Variants in PSD3 observed in about 807,000 individuals in gnomAD.
PSD3 encodes the protein PH and SEC7 domain-containing protein 3.
In PSD3, 49 loss-of-function variants were observed where a neutral mutation model predicts 105.5. The observed-to-expected ratio is 0.46, with a 90% CI of 0.37 to 0.59. PSD3 has a LOEUF of 0.59. Ranked by LOEUF, PSD3 falls within the 20% of genes least tolerant of loss-of-function variation. The pLI is 0.00. For missense variants in PSD3, 1,561 were observed against 1,263.8 expected, an observed-to-expected ratio of 1.24 and a Z score of -3.57; for synonymous variants, 557 against 457.8, an observed-to-expected ratio of 1.22 and a Z score of -2.77.
chr8:18,754,047 C>T (rs1158371754), intron 9 of PSD3, among the ~76,000 whole-genome samples: 2 of 152,144 alleles, frequency 1.3e-5, no homozygotes, highest in African/African-American at 4.8e-5. Context: ...CTCCATTCTT[C>T]TAATTCATGG....
intron 4 of PSD3, among the ~76,000 whole-genome samples, chr8:18,811,153 A>T (rs1446126329): frequency 6.6e-6 from 1 of 152,232 alleles, no homozygotes; most frequent in Non-Finnish European, 1.5e-5. Context: ...ACTATGTGCC[A>T]GCCTCTGGGC....
intron 11 of PSD3, among the ~76,000 whole-genome samples, chr8:18,621,007 A>G (rs1018124361): frequency 2.0e-5 from 3 of 152,240 alleles, no homozygotes; most frequent in African/African-American, 7.2e-5. Context: ...TCACATGCAC[A>G]GTGAAAACTG....
In PSD3 at chr8:18,651,286, TTTATAACAG is replaced by T. The variant is rs147328675; in HGVS notation, c.2216+4347_2216+4355del. On this transcript the variant is annotated intron_variant, in intron 10 of 15. Coordinates refer to ENST00000327040, the MANE Select transcript of PSD3 (RefSeq NM_015310.4). ...ACCAATGATATAAAAACCTATAAGG[TTTATAACAG>T]TTATAACATTCTCCGGTTCTAACAC... Among the ~76,000 whole-genome samples the T allele has an allele frequency of 4.1e-3, 623 of 152,246 alleles. 3 individuals are homozygous for T. Among genetic ancestry groups the T allele is most frequent in the African/African-American group, 0.015 (607 of 41,532 alleles).
chr8:18,860,097 G>A (rs191649309), intron 4 of PSD3, among the ~76,000 whole-genome samples: 2 of 152,160 alleles, frequency 1.3e-5, no homozygotes, highest in African/African-American at 4.8e-5. Flanking sequence ...TAGAGGCATT[G>A]CAGGGTTATT....
At chr8:18,703,312 G>A (rs1038986870) in intron 9 of PSD3, among the ~76,000 whole-genome samples, 1 of 152,170 alleles carries the variant, frequency 6.6e-6, no homozygotes, top group Non-Finnish European at 1.5e-5. Flanking sequence ...TGCCACTGAT[G>A]AACCAATGTC....
At chr8:18,962,880 C>T (rs1293003392) in intron 1 of PSD3, among the ~76,000 whole-genome samples, 3 of 152,208 alleles carry the variant, frequency 2.0e-5, no homozygotes, top group South Asian at 4.1e-4. Context: ...TTAAAGGTCA[C>T]GTCAGGCCAT....
At chr8:18,584,978 T>A (rs1803070939) in intron 12 of PSD3, among the ~76,000 whole-genome samples, 1 of 152,182 alleles carries the variant, frequency 6.6e-6, no homozygotes, top group Non-Finnish European at 1.5e-5. Flanking sequence ...GACAAGTATG[T>A]AGAAGTCATG....
chr8:18,659,084 T>C (rs1321970772), intron 9 of PSD3, among the ~76,000 whole-genome samples: 6 of 152,164 alleles, frequency 3.9e-5, no homozygotes, highest in Non-Finnish European at 7.3e-5. Flanking sequence ...GTTCTATGAC[T>C]CGGCCCATCT....
At chr8:18,764,420 C>T (rs1309534968) in intron 9 of PSD3, among the ~76,000 whole-genome samples, 1 of 152,136 alleles carries the variant, frequency 6.6e-6, no homozygotes, top group Non-Finnish European at 1.5e-5. Context: ...TTCTTTACTC[C>T]ATAAATTAAA....
At chr8:18,551,615 G>A (rs55792997) in intron 15 of PSD3, among the ~76,000 whole-genome samples, 6 of 152,130 alleles carry the variant, frequency 3.9e-5, no homozygotes, top group Admixed American at 3.9e-4. Context: ...CATGTGGTTG[G>A]TGTGGGCTCT....
At chr8:19,017,369 T>A (rs2129475716), upstream of PSD3, among the ~76,000 whole-genome samples, 1 of 152,260 alleles carries the variant, frequency 6.6e-6, no homozygotes, top group Admixed American at 6.5e-5. Flanking sequence ...CTCTTGATAA[T>A]CTCATTGGAA....
chr8:18,687,218 C>G lies in PSD3; in HGVS notation c.2173-31533G>C, dbSNP rs149288715. Reference sequence around the variant, plus strand: ...GTGGCTCACTCCTGTAATCCCAGCACTTTGGGAGGCCAAGGCGGGCGGATC... The same window carrying G: ...GTGGCTCACTCCTGTAATCCCAGCAGTTTGGGAGGCCAAGGCGGGCGGATC... On this transcript the variant is annotated intron_variant, in intron 9 of 15. Transcript: ENST00000327040. Among the ~76,000 whole-genome samples, 621 of 152,298 alleles carry G rather than the reference C, an allele frequency of 4.1e-3. 8 individuals carry two copies. The highest frequency in any genetic ancestry group is 3.1e-3 in the Non-Finnish European group (213 of 68,022).
At chr8:18,950,030 C>T (rs1437271426) in intron 1 of PSD3, among the ~76,000 whole-genome samples, 2 of 152,172 alleles carry the variant, frequency 1.3e-5, no homozygotes, top group Admixed American at 6.5e-5. Flanking sequence ...GAAATTCTTA[C>T]ATCCCAGCTT....
In PSD3 at chr8:18,999,401, A is replaced by C. The variant is rs557833725; in HGVS notation, c.21+14162T>G. ...TACCTGGCGCTCAGGCTGTGGTCTT[A>C]AGACTACAGCAAGCTCATGAAATTC... On this transcript the variant is annotated intron_variant, in intron 1 of 15. Coordinates refer to ENST00000327040, the MANE Select transcript of PSD3 (RefSeq NM_015310.4). 5.3e-5 allele frequency among the ~76,000 whole-genome samples: 8 copies of C among 151,956 alleles called. 1 individual carries two copies. The highest frequency in any genetic ancestry group is 1.9e-4 in the African/African-American group (8 of 41,416).
At chr8:18,962,732 A>T (rs1823999257) in intron 1 of PSD3, among the ~76,000 whole-genome samples, 1 of 152,246 alleles carries the variant, frequency 6.6e-6, no homozygotes, top group African/African-American at 2.4e-5. Flanking sequence ...TCTTAAAAAA[A>T]GAAAGTCATG....
intron 2 of PSD3, among the ~76,000 whole-genome samples, chr8:18,912,029 A>G (rs1279635328): frequency 6.6e-6 from 1 of 152,238 alleles, no homozygotes; most frequent in Non-Finnish European, 1.5e-5. Context: ...TGATTTCTTC[A>G]GAAGGTTTTG....
intron 9 of PSD3, among the ~76,000 whole-genome samples, chr8:18,743,278 T>A (rs1275887068): frequency 6.6e-6 from 1 of 152,126 alleles, no homozygotes; most frequent in Non-Finnish European, 1.5e-5. Flanking sequence ...GCCAACATAC[T>A]CCTACAGCTT....
chr8:19,039,799 C>A (rs909146525), intron 1 of PSD3, among the ~76,000 whole-genome samples: 2 of 152,174 alleles, frequency 1.3e-5, no homozygotes, highest in Non-Finnish European at 2.9e-5. Context: ...TACTATGCAA[C>A]AACACTGGGA....
chr8:18,627,162 C>T (rs1266210779), intron 11 of PSD3, among the ~76,000 whole-genome samples: 1 of 152,022 alleles, frequency 6.6e-6, no homozygotes, highest in Non-Finnish European at 1.5e-5. Flanking sequence ...TTAAGACTGG[C>T]TTACTGCTTA....
Sources: gnomAD v4.1 joint callset for allele counts (sites outside exome capture counted in the v4.1 genomes callset) on GRCh38, gnomAD v4.1.1 for gene constraint, MANE v1.5 for transcripts, NCBI Gene and HGNC (gene_info 2026-07-23, HGNC 2026-07-21) for gene names.